The following RBM39 variants were observed in gnomAD, a reference collection of about 807,000 sequenced individuals.
RBM39 encodes the protein RNA-binding protein 39.
RBM39 carries 12 observed loss-of-function variants against 79.6 expected under a neutral mutation model. The observed-to-expected ratio is 0.15, with a 90% confidence interval of 0.10 to 0.24. The LOEUF (loss-of-function observed/expected upper bound fraction) is 0.24. RBM39 is among the 10% of genes least tolerant of loss of function. The pLI is 1.00. For synonymous variants in RBM39, 185 were observed against 208.4 expected (o/e 0.89, Z 0.97); for missense variants, 243 against 653.4 (o/e 0.37, Z 6.85).
rs1424146049 is a variant in RBM39, at chr20:35,702,592, GAC to G, written c.*1887_*1888del. ...AGATACTTTGGAAAAAGAGCACACT[GAC>G]AGAGTGTCTCTGCCCCAAAGAACTC... On this transcript the variant is annotated 3_prime_UTR_variant, in exon 17 of 17. Transcript: ENST00000253363. The G allele has an allele frequency of 6.6e-6, 1 of 152,252 alleles. No homozygotes were observed. The highest frequency in any genetic ancestry group is 1.5e-5 in the Non-Finnish European group (1 of 68,056). The allele number at this position is 152,252 out of a possible 1,614,324, so 9.4% of individuals were successfully genotyped here.
chr20:35,734,797 G>A, intron 3 of RBM39: 2 of 1,371,624 alleles, frequency 1.5e-6, no homozygotes, highest in Non-Finnish European at 1.9e-6. Context: ...CTACAAGGGT[G>A]CAAGAAACCA....
Position 35,704,471 on chromosome 20 carries a change from A to G in RBM39, c.*10T>C, listed in dbSNP as rs758612053. On this transcript the variant is annotated 3_prime_UTR_variant, in exon 17 of 17. Transcript: ENST00000253363. ...AAAAAAGCTATATACATAAGGGACTATATCTTCCTTCATCGTCTACTTGGA... is the reference window on the plus strand; with the variant it reads ...AAAAAAGCTATATACATAAGGGACTGTATCTTCCTTCATCGTCTACTTGGA... 1.5e-5 allele frequency: 23 copies of G among 1,573,132 alleles called. No homozygotes were observed. Among genetic ancestry groups the G allele is most frequent in the East Asian group, 2.2e-5 (1 of 44,672 alleles).
intron 3 of RBM39, among the ~76,000 whole-genome samples, chr20:35,738,474 A>G (rs1317839798): frequency 6.8e-6 from 1 of 146,474 alleles, no homozygotes; most frequent in Non-Finnish European, 1.5e-5. Context: ...AGCCACCTTT[A>G]GAAGTACTTA....
intron 3 of RBM39, among the ~76,000 whole-genome samples, chr20:35,735,532 A>G (rs1267295571): frequency 6.6e-6 from 1 of 152,248 alleles, no homozygotes; most frequent in African/African-American, 2.4e-5. Flanking sequence ...TTTTAAGACA[A>G]TGAAGTTTTA....
At position 35,704,323 on chromosome 20, in the gene RBM39, G is replaced by A. The variant is rs1357632321; in HGVS notation, c.*158C>T. On this transcript the variant is annotated 3_prime_UTR_variant, in exon 17 of 17. Coordinates refer to ENST00000253363, the MANE Select transcript of RBM39 (RefSeq NM_184234.3). ...ACTATTTAGGGAGAATGAGCACACT[G>A]CATTCCTGTTAACATTTTTATTTTT... 1 of 565,810 alleles carries A rather than the reference G, an allele frequency of 1.8e-6. No homozygotes were observed. The highest frequency in any genetic ancestry group is 3.0e-5 in the East Asian group (1 of 32,920). 35.0% of individuals were successfully genotyped at this position (565,810 alleles called of 1,614,324 possible). A position where few individuals can be genotyped will look rare whatever the true frequency, so the allele number is the denominator to read the frequency against.
intron 8 of RBM39, among the ~76,000 whole-genome samples, chr20:35,723,209 C>T (rs2038211864): frequency 6.6e-6 from 1 of 150,684 alleles, no homozygotes; most frequent in African/African-American, 2.5e-5. Context: ...AGCTGTCATC[C>T]CTCCATAACC....
chr20:35,718,598 G>C (rs749749251), intron 9 of RBM39, among the ~76,000 whole-genome samples: 18 of 151,964 alleles, frequency 1.2e-4, no homozygotes, highest in Non-Finnish European at 2.4e-4. Flanking sequence ...AATCACCAGA[G>C]GTCAGGAGTT....
intron 2 of RBM39, chr20:35,739,279 G>A: frequency 2.1e-6 from 1 of 484,750 alleles, no homozygotes; most frequent in Non-Finnish European, 3.8e-6. Flanking sequence ...ATATAGTTTA[G>A]ATATTAAAAG....
At chr20:35,709,518 A>T (rs1463141235) in intron 12 of RBM39, among the ~76,000 whole-genome samples, 5 of 152,002 alleles carry the variant, frequency 3.3e-5, no homozygotes, top group African/African-American at 1.2e-4. Context: ...ATCTCAAGTG[A>T]TTTTCACTAC....
intron 6 of RBM39, among the ~76,000 whole-genome samples, chr20:35,725,623 G>C (rs561809497): frequency 3.6e-4 from 54 of 150,844 alleles, no homozygotes; most frequent in African/African-American, 1.3e-3. Flanking sequence ...AGTAAGCTGT[G>C]AAACTGGTTT....
At chr20:35,731,804 C>A (rs1383839330) in intron 4 of RBM39, 137 bp downstream of exon 4, 1 of 895,338 alleles carries the variant, frequency 1.1e-6, no homozygotes, top group African/African-American at 1.7e-5. Flanking sequence ...GTATTCAATG[C>A]CAATATCCTT....
rs193192969 is a variant in RBM39 at position 35,714,111 on chromosome 20, T to C, written c.1096+74A>G. 5.8e-5 allele frequency: 84 copies of C among 1,436,226 alleles called. No homozygotes were observed. The East Asian group carries it at 8.4e-4, about 14-fold the overall frequency. The allele number at this position is 1,436,226 out of a possible 1,614,324, so 89.0% of individuals were successfully genotyped here. On this transcript the variant is annotated intron_variant, in intron 11 of 16. Coordinates refer to ENST00000253363, the MANE Select transcript of RBM39 (RefSeq NM_184234.3). ...TAAGATAAAATCTTTTTCCCTTTCT[T>C]AGTTTACATGGCTACCTTTCTTTTC...
intron 11 of RBM39, 49 bp from the exon 12 acceptor site, chr20:35,713,145 C>T (rs771326015): frequency 1.5e-5 from 22 of 1,505,858 alleles, no homozygotes; most frequent in Middle Eastern, 1.7e-4. Context: ...AGCAGAGAAA[C>T]GAAGTTTCCT....
intron 3 of RBM39, among the ~76,000 whole-genome samples, chr20:35,737,442 C>T (rs1483702638): frequency 1.3e-5 from 2 of 151,030 alleles, no homozygotes; most frequent in South Asian, 4.2e-4. Context: ...AACCTGTAAT[C>T]CCAGCTACTC....
intron 1 of RBM39, 75 bp from the exon 2 acceptor site, chr20:35,740,962 T>TTAGACG: frequency 1.0e-6 from 1 of 973,542 alleles, no homozygotes; most frequent in Non-Finnish European, 1.6e-6. Flanking sequence ...TCTTGTTGCC[T>TTAGACG]ATATCGTCTA....
chr20:35,735,796 G>C (rs1188182511), intron 3 of RBM39, among the ~76,000 whole-genome samples: 1 of 152,184 alleles, frequency 6.6e-6, no homozygotes, highest in Non-Finnish European at 1.5e-5. Context: ...GATTACCAAA[G>C]TGTTTTGAAA....
chr20:35,729,554 A>T, intron 4 of RBM39, 27 bp from the exon 5 acceptor site: 3 of 1,605,052 alleles, frequency 1.9e-6, no homozygotes, highest in Non-Finnish European at 2.6e-6. Context: ...AAATTACACT[A>T]GTTACAGGTT....
chr20:35,709,494 G>A (rs1175786743), intron 12 of RBM39, among the ~76,000 whole-genome samples: 1 of 151,944 alleles, frequency 6.6e-6, no homozygotes, highest in Non-Finnish European at 1.5e-5. Context: ...TCCTAGACTA[G>A]ACTACTCTTC....
At chr20:35,727,163 T>C (rs1854648333) in intron 6 of RBM39, among the ~76,000 whole-genome samples, 1 of 149,910 alleles carries the variant, frequency 6.7e-6, no homozygotes, top group Non-Finnish European at 1.5e-5. Flanking sequence ...CTGAGCAACA[T>C]GGCAAAACCT....
Sources: gnomAD v4.1 joint callset for allele counts (sites outside exome capture counted in the v4.1 genomes callset) on GRCh38, gnomAD v4.1.1 for gene constraint, MANE v1.5 for transcripts, NCBI Gene and HGNC (gene_info 2026-07-23, HGNC 2026-07-21) for gene names.